SLIT2: variants seen among roughly 807,000 people sequenced by gnomAD.
SLIT2 encodes the protein slit guidance ligand 2, also known as slit homolog 2 protein.
A neutral mutation model predicts 185.7 loss-of-function variants in SLIT2; 41 were observed. The ratio of observed to expected loss-of-function variants is 0.22; its 90% CI spans 0.17 to 0.29. The LOEUF is 0.29. Ranked by LOEUF, SLIT2 falls within the 10% of genes least tolerant of loss-of-function variation. SLIT2 has a pLI of 1.00. For missense variants in SLIT2, 1,571 were observed against 1,909.0 expected (o/e 0.82, Z 3.30); for synonymous variants, 693 against 680.2 (o/e 1.02, Z -0.29).
At chr4:20,412,851 A>T (rs185114531) in intron 4 of SLIT2, among the ~76,000 whole-genome samples, 5 of 152,252 alleles carry the variant, frequency 3.3e-5, no homozygotes, top group Non-Finnish European at 7.4e-5. Context: ...TTTCTATGGA[A>T]TTGTCTTGGG....
chr4:20,501,536 G>A (rs1021962587), intron 9 of SLIT2, among the ~76,000 whole-genome samples: 1 of 151,830 alleles, frequency 6.6e-6, no homozygotes, highest in Non-Finnish European at 1.5e-5. Flanking sequence ...TGCCTGCCTC[G>A]GCCTCTCAAA....
intron 30 of SLIT2, among the ~76,000 whole-genome samples, chr4:20,594,005 CAT>C (rs538728956): frequency 4.4e-4 from 65 of 147,522 alleles, no homozygotes; most frequent in Non-Finnish European, 8.2e-4. Context: ...TATACACACA[CAT>C]ACATATGTAT....
chr4:20,617,868 G>T (rs1285447530), intron 36 of SLIT2, among the ~76,000 whole-genome samples: 1 of 152,108 alleles, frequency 6.6e-6, no homozygotes. Context: ...GCTGTGAAAT[G>T]ACCTTAAACC....
At chr4:20,338,910 A>G (rs917534736) in intron 4 of SLIT2, among the ~76,000 whole-genome samples, 2 of 151,800 alleles carry the variant, frequency 1.3e-5, no homozygotes, top group Non-Finnish European at 2.9e-5. Flanking sequence ...TGGGAAACAG[A>G]GAGAGATCCC....
At chr4:20,474,915 G>C (rs1715930068) in intron 5 of SLIT2, among the ~76,000 whole-genome samples, 2 of 151,864 alleles carry the variant, frequency 1.3e-5, no homozygotes, top group Admixed American at 6.6e-5. Context: ...GAATAGAGCA[G>C]AATGTTGCCA....
At chr4:20,502,703 A>G (rs751637964) in intron 9 of SLIT2, among the ~76,000 whole-genome samples, 3 of 152,160 alleles carry the variant, frequency 2.0e-5, no homozygotes, top group Non-Finnish European at 4.4e-5. Context: ...GAAAAATTAA[A>G]ATTTGCAGTT....
intron 29 of SLIT2, among the ~76,000 whole-genome samples, chr4:20,584,459 T>C (rs959895557): frequency 6.6e-6 from 1 of 152,192 alleles, no homozygotes; most frequent in Non-Finnish European, 1.5e-5. Context: ...GTTATGTGAG[T>C]GCCCAGGCAC....
rs142587667 is a variant in SLIT2, at chr4:20,385,247, T to C, written c.396-82505T>C. ...TGGCGAATGAACAAACAAGGAAATATACTAGCATTTTATAATCTACAAACT... is the reference window on the plus strand; with the variant it reads ...TGGCGAATGAACAAACAAGGAAATACACTAGCATTTTATAATCTACAAACT... On this transcript the variant is annotated intron_variant, in intron 4 of 36. Transcript: ENST00000504154. 1.1e-4 allele frequency among the ~76,000 whole-genome samples: 16 copies of C among 152,332 alleles called. No homozygotes were observed. The East Asian group carries it at 3.1e-3, about 29-fold the overall frequency.
At chr4:20,444,188 A>G (rs1711529107) in intron 4 of SLIT2, among the ~76,000 whole-genome samples, 1 of 152,118 alleles carries the variant, frequency 6.6e-6, no homozygotes. Flanking sequence ...CCTAGACTCG[A>G]GGCTAAGCAT....
At chr4:20,290,193 T>G (rs1715659130) in intron 4 of SLIT2, among the ~76,000 whole-genome samples, 1 of 152,196 alleles carries the variant, frequency 6.6e-6, no homozygotes, top group African/African-American at 2.4e-5. Flanking sequence ...GGTTAAACCA[T>G]GTTCCCTTTA....
At chr4:20,367,546 G>T (rs1157144755) in intron 4 of SLIT2, among the ~76,000 whole-genome samples, 1 of 152,060 alleles carries the variant, frequency 6.6e-6, no homozygotes, top group Admixed American at 6.6e-5. Flanking sequence ...AATATCCTAA[G>T]CATAAGCAAA....
chr4:20,568,964 C>G lies in SLIT2; in HGVS notation c.3048C>G (p.Gly1016=). 1 of 1,612,250 alleles carries G rather than the reference C, an allele frequency of 6.2e-7. No individual in the cohort carries two copies. ...AAAATAATTCTACATGTGTCGATGGCATTAATAACTACACATGCCTTTGCC... is the reference window on the plus strand; with the variant it reads ...AAAATAATTCTACATGTGTCGATGGGATTAATAACTACACATGCCTTTGCC... ...DCENNSTCVD[G]INNYTCLCPP... is the part of the protein sequence containing the mutation. Residue 1016 remains glycine, a synonymous_variant, in exon 29 of 37, where the codon GGC becomes GGG. Coordinates refer to ENST00000504154, the MANE Select transcript of SLIT2 (RefSeq NM_004787.4).
At chr4:20,398,537 G>A (rs907660971) in intron 4 of SLIT2, among the ~76,000 whole-genome samples, 1 of 151,738 alleles carries the variant, frequency 6.6e-6, no homozygotes, top group African/African-American at 2.4e-5. Flanking sequence ...TTTGGAGGAT[G>A]TTTTATCTAC....
Position 20,620,208 on chromosome 4 carries a change from C to T in SLIT2, c.*1199C>T. 3.2e-6 allele frequency: 1 copy of T among 316,934 alleles called. No homozygotes were observed. The highest frequency in any genetic ancestry group is 2.7e-5 in the South Asian group (1 of 37,066). The allele number at this position is 316,934 out of a possible 1,614,324, so 19.6% of individuals were successfully genotyped here. ...TTTTGCAAATTAATATGTCCTTGACCTTTTTTGCCCTTTTGTGGGGGTGAG... is the reference window on the plus strand; with the variant it reads ...TTTTGCAAATTAATATGTCCTTGACTTTTTTTGCCCTTTTGTGGGGGTGAG... On this transcript the variant is annotated 3_prime_UTR_variant, in exon 37 of 37. Transcript: ENST00000504154.
At chr4:20,454,631 T>A (rs1712853590) in intron 4 of SLIT2, among the ~76,000 whole-genome samples, 1 of 152,208 alleles carries the variant, frequency 6.6e-6, no homozygotes, top group African/African-American at 2.4e-5. Flanking sequence ...AAATTACCAG[T>A]AATTAAATTT....
chr4:20,301,966 T>C (rs1441566909), intron 4 of SLIT2, among the ~76,000 whole-genome samples: 1 of 152,212 alleles, frequency 6.6e-6, no homozygotes, highest in Non-Finnish European at 1.5e-5. Flanking sequence ...CCTTGTAGTT[T>C]ATAAGGACTG....
intron 4 of SLIT2, among the ~76,000 whole-genome samples, chr4:20,347,260 T>C (rs929035588): frequency 6.6e-6 from 1 of 152,240 alleles, no homozygotes; most frequent in Non-Finnish European, 1.5e-5. Flanking sequence ...GAGGCAGGGC[T>C]CAAGCCCACA....
At position 20,446,757 on chromosome 4, in the gene SLIT2, G is replaced by A. The variant is rs554126030; in HGVS notation, c.396-20995G>A. On this transcript the variant is annotated intron_variant, in intron 4 of 36. Transcript: ENST00000504154. The stretch of plus-strand genomic sequence containing the variant: ...TATTGCAATCCTGAGTTCAAGACCA[G>A]CTATTCACATTATTAACTATTAACT... Among the ~76,000 whole-genome samples the A allele has an allele frequency of 5.9e-5, 9 of 152,226 alleles. No individual in the cohort carries two copies. The South Asian group carries it at 1.7e-3, about 28-fold the overall frequency.
chr4:20,520,203 A>T (rs1365061730), intron 12 of SLIT2, among the ~76,000 whole-genome samples: 1 of 152,202 alleles, frequency 6.6e-6, no homozygotes, highest in Non-Finnish European at 1.5e-5. Context: ...AATTACCTGT[A>T]AATCAAAGAC....
Sources: allele counts gnomAD v4.1 joint callset (sites outside exome capture counted in the v4.1 genomes callset), GRCh38; gene constraint gnomAD v4.1.1; transcripts MANE v1.5; gene names NCBI Gene and HGNC (gene_info 2026-07-23, HGNC 2026-07-21).